DOCK5: variants seen among roughly 807,000 people sequenced by gnomAD.
DOCK5 encodes dedicator of cytokinesis 5.
In DOCK5, 142 loss-of-function variants were observed where a neutral mutation model predicts 251.8. The ratio of observed to expected loss-of-function variants is 0.56; its 90% confidence interval spans 0.49 to 0.65. The LOEUF is 0.65. Among genes scored for constraint, DOCK5 ranks in the 30% least tolerant of loss-of-function variants. The pLI, the probability that DOCK5 is intolerant of heterozygous loss-of-function variation, is 0.00. For synonymous variants in DOCK5, 842 were observed against 835.5 expected (o/e 1.01, Z -0.13); for missense variants, 2,111 against 2,312.3 (o/e 0.91, Z 1.79).
At chr8:25,216,013 A>ATGTATACAACATGTATATACG (rs1586234437) in intron 1 of DOCK5, among the ~76,000 whole-genome samples, 1 of 151,794 alleles carries the variant, frequency 6.6e-6, no homozygotes, top group East Asian at 1.9e-4. Context: ...GTATGTATAT[A>ATGTATACAACATGTATATACG]TGTATACAAC....
At chr8:25,410,977 GCGCGCGCACGCACGCACGCACGCA>G (rs1175029053) in intron 51 of DOCK5, among the ~76,000 whole-genome samples, 193 bp from the exon 52 acceptor site, 2 of 88,186 alleles carry the variant, frequency 2.3e-5, no homozygotes, top group African/African-American at 4.0e-5. Context: ...GTGTGTGCGC[GCGCGCGCACGCACGCACGCACGCA>G]CGCGTGTGTC....
chr8:25,402,507 G>A (rs2939812), intron 47 of DOCK5, among the ~76,000 whole-genome samples: 136,046 of 152,154 alleles, frequency 0.89, 62,772 homozygotes, highest in East Asian at 1. Flanking sequence ...CATGTTAGCC[G>A]GAATGGTCTC....
At chr8:25,215,753 G>T (rs1286667701) in intron 1 of DOCK5, among the ~76,000 whole-genome samples, 2 of 151,810 alleles carry the variant, frequency 1.3e-5, no homozygotes, top group East Asian at 3.9e-4. Flanking sequence ...GTACTGTTCT[G>T]TTTTTAATGA....
intron 2 of DOCK5, among the ~76,000 whole-genome samples, chr8:25,248,299 C>T (rs1354594667): frequency 1.3e-5 from 2 of 152,152 alleles, no homozygotes; most frequent in East Asian, 3.8e-4. Context: ...AGGCAAGGGC[C>T]GGAGTGCTTT....
At chr8:25,332,974 C>G (rs1586336910) in intron 20 of DOCK5, among the ~76,000 whole-genome samples, 1 of 152,176 alleles carries the variant, frequency 6.6e-6, no homozygotes, top group African/African-American at 2.4e-5. Context: ...ATCATTTTAA[C>G]TCACATTACC....
At chr8:25,410,258 GCATCAGGTTTTC>G in intron 51 of DOCK5, 56 bp downstream of exon 51, 1 of 1,496,606 alleles carries the variant, frequency 6.7e-7, no homozygotes, top group Admixed American at 1.8e-5. Context: ...TGGGAAGGCA[GCATCAGGTTTTC>G]CAGGCTCTTT....
intron 1 of DOCK5, among the ~76,000 whole-genome samples, chr8:25,188,926 TA>T (rs1395983849): frequency 6.6e-6 from 1 of 152,154 alleles, no homozygotes; most frequent in Admixed American, 6.5e-5. Context: ...AGTCTGATTA[TA>T]AAAACATTTA....
At chr8:25,295,105 C>A (rs971129832) in intron 6 of DOCK5, among the ~76,000 whole-genome samples, 23 of 152,102 alleles carry the variant, frequency 1.5e-4, no homozygotes, top group African/African-American at 5.6e-4. Flanking sequence ...CTGTATGCTA[C>A]ATATAGTATT....
chr8:25,375,443 T>A (rs1403259835), intron 37 of DOCK5: 3 of 153,340 alleles, frequency 2.0e-5, no homozygotes, highest in Non-Finnish European at 4.3e-5. Flanking sequence ...TCTTGCTATG[T>A]TTCCCAGGCT....
chr8:25,313,194 C>G (rs1273629243), intron 13 of DOCK5, among the ~76,000 whole-genome samples: 1 of 152,098 alleles, frequency 6.6e-6, no homozygotes, highest in Non-Finnish European at 1.5e-5. Context: ...TCCCTGTACC[C>G]CCTTGCCCTC....
rs1282167704 is a variant in DOCK5 at position 25,411,567 on chromosome 8, TG to T, written c.*270del. On this transcript the variant is annotated 3_prime_UTR_variant, in exon 52 of 52. Coordinates refer to ENST00000276440, the MANE Select transcript of DOCK5 (RefSeq NM_024940.8). Reference sequence around the variant, plus strand: ...TCCAAGAAGAGATTGCCTTCACCATTGTTAAATGTCAGCCTGTACGGCAGAG... The same window carrying T: ...TCCAAGAAGAGATTGCCTTCACCATTTTAAATGTCAGCCTGTACGGCAGAG... 25 of 352,960 alleles carry T rather than the reference TG, an allele frequency of 7.1e-5. No individual in the cohort carries two copies. Among genetic ancestry groups the T allele is most frequent in the African/African-American group, 5.3e-4 (25 of 47,378 alleles). 21.9% of individuals were successfully genotyped at this position (352,960 alleles called of 1,614,324 possible).
chr8:25,362,468 T>TC (rs995740206), intron 28 of DOCK5, among the ~76,000 whole-genome samples: 2 of 101,102 alleles, frequency 2.0e-5, no homozygotes, highest in African/African-American at 6.7e-5. Context: ...TTTTCTTTTT[T>TC]TTTTTTTTTT....
At chr8:25,403,369 C>T (rs551141594) in intron 47 of DOCK5, among the ~76,000 whole-genome samples, 189 bp from the exon 48 acceptor site, 1 of 152,236 alleles carries the variant, frequency 6.6e-6, no homozygotes, top group South Asian at 2.1e-4. Flanking sequence ...GTACCTATAG[C>T]TAACAGTATC....
rs796730994 is a variant in DOCK5 at position 25,212,027 on chromosome 8, G to A, written c.43+27076G>A. On this transcript the variant is annotated intron_variant, in intron 1 of 51. Transcript: ENST00000276440. Reference sequence around the variant, plus strand: ...TACAAAAAAATTAGCCAGGCATGGTGGCGGGCACCTGTAGTTCCAGCTACT... The same window carrying A: ...TACAAAAAAATTAGCCAGGCATGGTAGCGGGCACCTGTAGTTCCAGCTACT... Among the ~76,000 whole-genome samples, 10 of 67,388 alleles carry A rather than the reference G, an allele frequency of 1.5e-4. 2 individuals are homozygous for A. The highest frequency in any genetic ancestry group is 3.4e-4 in the African/African-American group (10 of 29,700). 44.2% of individuals were successfully genotyped at this position (67,388 alleles called of 152,430 possible).
intron 15 of DOCK5, 124 bp from the exon 16 acceptor site, chr8:25,320,856 C>A: frequency 1.3e-6 from 1 of 775,728 alleles, no homozygotes. Flanking sequence ...GAAACCTATA[C>A]CAAATCTCAC....
At chr8:25,341,700 GC>G in intron 23 of DOCK5, 38 bp from the exon 24 acceptor site, 1 of 1,519,864 alleles carries the variant, frequency 6.6e-7, no homozygotes, top group Non-Finnish European at 9.0e-7. Context: ...TATTTGTCTT[GC>G]CTGGCAACTG....
chr8:25,353,904 C>T (rs2117254097), intron 27 of DOCK5, among the ~76,000 whole-genome samples: 1 of 151,602 alleles, frequency 6.6e-6, no homozygotes, highest in South Asian at 2.1e-4. Context: ...CATCTGTAAC[C>T]CCAGCTACTC....
At chr8:25,378,032 T>C (rs1402094066) in intron 38 of DOCK5, among the ~76,000 whole-genome samples, 1 of 151,892 alleles carries the variant, frequency 6.6e-6, no homozygotes, top group Non-Finnish European at 1.5e-5. Context: ...ACTACAGGCA[T>C]GAGCCACTGT....
chr8:25,245,634 G>A (rs1803082991), intron 2 of DOCK5, among the ~76,000 whole-genome samples: 1 of 151,732 alleles, frequency 6.6e-6, no homozygotes, highest in Non-Finnish European at 1.5e-5. Context: ...CCACGTCCTG[G>A]GTTCAAGCGA....
Sources: gnomAD v4.1 joint callset for allele counts (sites outside exome capture counted in the v4.1 genomes callset) on GRCh38, gnomAD v4.1.1 for gene constraint, MANE v1.5 for transcripts, NCBI Gene and HGNC (gene_info 2026-07-23, HGNC 2026-07-21) for gene names.